Variants in SMOC2 observed in about 807,000 individuals in gnomAD.
SMOC2 encodes SPARC related modular calcium binding 2.
A neutral mutation model predicts 61.4 loss-of-function variants in SMOC2; 39 were observed. The ratio of observed to expected loss-of-function variants is 0.64; its 90% confidence interval spans 0.49 to 0.83. The LOEUF (loss-of-function observed/expected upper bound fraction) is 0.83. Among genes scored for constraint, SMOC2 ranks in the 40% least tolerant of loss-of-function variants. The pLI, the probability that SMOC2 is intolerant of heterozygous loss-of-function variation, is 0.00. For missense variants in SMOC2, 556 were observed against 592.9 expected (o/e 0.94, Z 0.65); for synonymous variants, 247 against 239.9 (o/e 1.03, Z -0.27).
chr6:168,666,156 T>G (rs910326364), intron 12 of SMOC2, among the ~76,000 whole-genome samples: 14 of 152,218 alleles, frequency 9.2e-5, no homozygotes, highest in Non-Finnish European at 1.8e-4. Context: ...TTTAATGTAT[T>G]TAGTACTTAG....
At position 168,526,275 on chromosome 6, in the gene SMOC2, T is replaced by C. The variant is rs530130307; in HGVS notation, c.257-71T>C. 307 of 1,408,180 alleles carry C rather than the reference T, an allele frequency of 2.2e-4. 1 individual carries two copies. The African/African-American group carries it at 4.1e-3, about 19-fold the overall frequency. 87.2% of individuals were successfully genotyped at this position (1,408,180 alleles called of 1,614,324 possible). On this transcript the variant is annotated intron_variant, in intron 2 of 12. Transcript: ENST00000356284. Reference sequence around the variant, plus strand: ...TGCCTAACTCATGCCTTCACATCTTTCAATGTTCCTATATCTGTTCTATCT... The same window carrying C: ...TGCCTAACTCATGCCTTCACATCTTCCAATGTTCCTATATCTGTTCTATCT...
chr6:168,573,957 C>T (rs1457307793), intron 7 of SMOC2, among the ~76,000 whole-genome samples: 2 of 152,222 alleles, frequency 1.3e-5, no homozygotes, highest in African/African-American at 4.8e-5. Flanking sequence ...TGCTCTCTGG[C>T]CATAAGGGGC....
chr6:168,473,088 C>T (rs1053627390), intron 1 of SMOC2, among the ~76,000 whole-genome samples: 17 of 152,246 alleles, frequency 1.1e-4, no homozygotes, highest in African/African-American at 3.4e-4. Flanking sequence ...ATGAAGAGTA[C>T]GATTGTAAAT....
intron 7 of SMOC2, among the ~76,000 whole-genome samples, chr6:168,597,104 G>T (rs1562370613): frequency 1.3e-5 from 2 of 152,272 alleles, no homozygotes; most frequent in African/African-American, 2.4e-5. Context: ...GTATGAGGTT[G>T]CCAGGGGAGA....
At chr6:168,534,775 A>T (rs772347850) in intron 4 of SMOC2, among the ~76,000 whole-genome samples, 1 of 152,162 alleles carries the variant, frequency 6.6e-6, no homozygotes, top group Non-Finnish European at 1.5e-5. Context: ...GGAGCCTCAC[A>T]TGAGTTGAGA....
At chr6:168,579,035 T>G (rs969558436) in intron 7 of SMOC2, among the ~76,000 whole-genome samples, 1 of 152,102 alleles carries the variant, frequency 6.6e-6, no homozygotes, top group Non-Finnish European at 1.5e-5. Context: ...CTCACAGTAA[T>G]GCAGCACATA....
At chr6:168,532,388 T>C (rs1562332058) in intron 4 of SMOC2, among the ~76,000 whole-genome samples, 1 of 152,140 alleles carries the variant, frequency 6.6e-6, no homozygotes, top group African/African-American at 2.4e-5. Context: ...ATTTCTTCTG[T>C]AGGGATTTTC....
chr6:168,549,699 G>T (rs1386384641), intron 7 of SMOC2, among the ~76,000 whole-genome samples: 1 of 152,114 alleles, frequency 6.6e-6, no homozygotes, highest in Non-Finnish European at 1.5e-5. Flanking sequence ...TCAGGGGTCA[G>T]CTGTAAATAT....
chr6:168,647,680 C>T (rs1303118690), intron 9 of SMOC2, among the ~76,000 whole-genome samples: 1 of 151,828 alleles, frequency 6.6e-6, no homozygotes, highest in East Asian at 1.9e-4. Context: ...GAAATTTTCA[C>T]TTCATGGTAC....
chr6:168,459,234 C>T (rs987011825), intron 1 of SMOC2, among the ~76,000 whole-genome samples: 20 of 152,246 alleles, frequency 1.3e-4, no homozygotes, highest in African/African-American at 4.8e-5. Context: ...TCTGTCAACC[C>T]GAGGCTCAAA....
intron 1 of SMOC2, among the ~76,000 whole-genome samples, chr6:168,489,219 TC>T (rs1208686475): frequency 6.6e-6 from 1 of 150,832 alleles, no homozygotes; most frequent in Non-Finnish European, 1.5e-5. Context: ...TATCAAATCG[TC>T]TGGGTCCTCT....
chr6:168,653,074 GT>G lies in SMOC2; in HGVS notation c.1133del (p.Phe378SerfsTer12). 6.2e-7 allele frequency: 1 copy of G among 1,614,156 alleles called. No individual in the cohort carries two copies. On this transcript the variant is annotated frameshift_variant, in exon 11 of 13. Coordinates refer to ENST00000356284, the MANE Select transcript of SMOC2 (RefSeq NM_001166412.2). LOFTEE classifies it high-confidence loss of function. ...AAAAGGAAATCAAACCCTTCAAGAGGTTCCTTCGCAAAAAATCAAAGCCCAA... is the reference window on the plus strand; with the variant it reads ...AAAAGGAAATCAAACCCTTCAAGAGGTCCTTCGCAAAAAATCAAAGCCCAA... ...GKKEIKPFKR[F>X]LRKKSKPKKC...
intron 1 of SMOC2, among the ~76,000 whole-genome samples, chr6:168,481,593 T>C (rs1782207851): frequency 6.6e-6 from 1 of 151,982 alleles, no homozygotes; most frequent in Non-Finnish European, 1.5e-5. Context: ...AGACAGGACA[T>C]GCAGGAAATG....
At chr6:168,492,938 C>T (rs947814416) in intron 1 of SMOC2, among the ~76,000 whole-genome samples, 2 of 152,214 alleles carry the variant, frequency 1.3e-5, no homozygotes, top group Non-Finnish European at 2.9e-5. Flanking sequence ...GTAAGGCTGA[C>T]TTTCCTTGAG....
intron 1 of SMOC2, among the ~76,000 whole-genome samples, chr6:168,482,553 A>C (rs1221572753): frequency 6.6e-6 from 1 of 152,088 alleles, no homozygotes; most frequent in African/African-American, 2.4e-5. Context: ...AATTCTTTGT[A>C]TGAGGCCAGT....
chr6:168,513,233 TA>T (rs1234982877), intron 2 of SMOC2, among the ~76,000 whole-genome samples: 1 of 152,244 alleles, frequency 6.6e-6, no homozygotes, highest in Non-Finnish European at 1.5e-5. Context: ...ATGACTGATT[TA>T]TTTTTTTCCC....
At chr6:168,514,786 G>A (rs1783092155) in intron 2 of SMOC2, among the ~76,000 whole-genome samples, 1 of 152,188 alleles carries the variant, frequency 6.6e-6, no homozygotes, top group Non-Finnish European at 1.5e-5. Context: ...ACTCCAGTCG[G>A]ATGTGCCATT....
rs916088792 is a variant in SMOC2 at position 168,667,567 on chromosome 6, CAG to C, written c.*1131_*1132del. The C allele has an allele frequency of 5.9e-5, 9 of 152,244 alleles. 1 individual carries two copies. Among genetic ancestry groups the C allele is most frequent in the African/African-American group, 2.2e-4 (9 of 41,454 alleles). 9.4% of individuals were successfully genotyped at this position (152,244 alleles called of 1,614,324 possible). A position where few individuals can be genotyped will look rare whatever the true frequency, so the allele number is the denominator to read the frequency against. On this transcript the variant is annotated 3_prime_UTR_variant, in exon 13 of 13. Coordinates refer to ENST00000356284, the MANE Select transcript of SMOC2 (RefSeq NM_001166412.2). ...AGTGGAATGCCCACACAGTGACCAA[CAG>C]AACTGGTCTGCGTGCATAACCAGCT... is the stretch of plus-strand genomic sequence containing the variant.
chr6:168,454,541 AGG>A (rs1781538748), intron 1 of SMOC2, among the ~76,000 whole-genome samples: 2 of 152,100 alleles, frequency 1.3e-5, no homozygotes, highest in African/African-American at 4.8e-5. Context: ...CGGCTCTGAC[AGG>A]TTCTGCAGAT....
Sources: allele counts gnomAD v4.1 joint callset (sites outside exome capture counted in the v4.1 genomes callset), GRCh38; gene constraint gnomAD v4.1.1; transcripts MANE v1.5; gene names NCBI Gene and HGNC (gene_info 2026-07-23, HGNC 2026-07-21).